EYS: variants seen among roughly 807,000 people sequenced by gnomAD.
The protein encoded by EYS is protein eyes shut homolog.
EYS carries 250 observed loss-of-function variants against 282.1 expected under a neutral mutation model. The ratio of observed to expected loss-of-function variants is 0.89; its 90% CI spans 0.80 to 0.98. The LOEUF is 0.98. EYS is among the 50% of genes least tolerant of loss of function. EYS has a pLI of 0.00. For missense variants in EYS, 4,016 were observed against 3,709.0 expected (o/e 1.08, Z -2.15); for synonymous variants, 1,355 against 1,282.9 (o/e 1.06, Z -1.20).
intron 26 of EYS, among the ~76,000 whole-genome samples, chr6:64,518,787 C>G (rs189437662): frequency 1.3e-5 from 2 of 150,996 alleles, no homozygotes; most frequent in African/African-American, 4.8e-5. Flanking sequence ...GGGGCCCCCC[C>G]CTTCTCAGGG....
intron 16 of EYS, among the ~76,000 whole-genome samples, chr6:64,904,673 A>C (rs903918336): frequency 6.6e-6 from 1 of 152,080 alleles, no homozygotes; most frequent in African/African-American, 2.4e-5. Context: ...ATTCTTAGAA[A>C]TGTTCTTTTG....
chr6:64,671,895 A>T (rs897095558), intron 22 of EYS, among the ~76,000 whole-genome samples: 1 of 152,150 alleles, frequency 6.6e-6, no homozygotes, highest in Non-Finnish European at 1.5e-5. Flanking sequence ...TGTTGATAGA[A>T]AAAAAACAAT....
At chr6:65,145,283 T>TCA (rs74630699) in intron 12 of EYS, among the ~76,000 whole-genome samples, 18,264 of 152,018 alleles carry the variant, frequency 0.12, 1,427 homozygotes, top group African/African-American at 0.22. Context: ...CAACATATAT[T>TCA]GTTACTATTT....
chr6:63,951,268 A>T (rs1256563745), intron 35 of EYS, among the ~76,000 whole-genome samples: 2 of 152,112 alleles, frequency 1.3e-5, no homozygotes, highest in Admixed American at 6.5e-5. Context: ...CTTGACCCCA[A>T]TATAAACTCG....
At chr6:64,636,732 CA>C (rs1208237758) in intron 22 of EYS, among the ~76,000 whole-genome samples, 1 of 151,738 alleles carries the variant, frequency 6.6e-6, no homozygotes, top group Non-Finnish European at 1.5e-5. Flanking sequence ...TGAACTCAAA[CA>C]AATTGACAAG....
At chr6:64,866,463 G>A (rs1392617325) in intron 19 of EYS, among the ~76,000 whole-genome samples, 1 of 151,606 alleles carries the variant, frequency 6.6e-6, no homozygotes, top group African/African-American at 2.4e-5. Context: ...TGCCAATATA[G>A]GTCACGCTTC....
At chr6:64,349,362 A>AT (rs1387219665) in intron 29 of EYS, among the ~76,000 whole-genome samples, 1 of 151,302 alleles carries the variant, frequency 6.6e-6, no homozygotes, top group African/African-American at 2.4e-5. Context: ...AGAGGTGCTA[A>AT]TTGTATCAAC....
chr6:65,328,318 A>C (rs1168433349), intron 11 of EYS, among the ~76,000 whole-genome samples: 1 of 151,460 alleles, frequency 6.6e-6, no homozygotes, highest in Non-Finnish European at 1.5e-5. Context: ...AATTTACAAA[A>C]GCACTCATCA....
rs183330256 is a variant in EYS at position 64,919,769 on chromosome 6, T to C, written c.2382-7026A>G. ...TAAAAAGACAACTGGTCAATAATCT[T>C]TTTCAGAGTTATTTAATTCAAGCTG... On this transcript the variant is annotated intron_variant, in intron 15 of 42. Coordinates refer to ENST00000503581, the MANE Select transcript of EYS (RefSeq NM_001142800.2). Among the ~76,000 whole-genome samples the C allele has an allele frequency of 3.8e-4, 58 of 152,258 alleles. 1 individual carries two copies. Among genetic ancestry groups the C allele is most frequent in the Admixed American group, 1.2e-3 (18 of 15,302 alleles).
chr6:64,918,324 G>A (rs998328467), intron 15 of EYS, among the ~76,000 whole-genome samples: 19 of 152,130 alleles, frequency 1.2e-4, no homozygotes, highest in African/African-American at 4.1e-4. Flanking sequence ...ATGAAAGTGA[G>A]GAGGTAGCCT....
chr6:64,512,826 A>G (rs1191354092), intron 26 of EYS, among the ~76,000 whole-genome samples: 2 of 152,012 alleles, frequency 1.3e-5, no homozygotes, highest in Non-Finnish European at 2.9e-5. Context: ...TTTAGTGTTC[A>G]GCATTTTCCA....
In EYS at chr6:64,486,805, T is replaced by C. The variant is rs146453386; in HGVS notation, c.5645-47453A>G. 2.0e-5 allele frequency among the ~76,000 whole-genome samples: 3 copies of C among 151,438 alleles called. No individual in the cohort carries two copies. The Admixed American group carries it at 2.0e-4, about 10-fold the overall frequency. ...TAAATCATCCAGGCTTAATGAACTTTGGAAGGCTTTTAAGAGAGATAACTA... is the reference window on the plus strand; with the variant it reads ...TAAATCATCCAGGCTTAATGAACTTCGGAAGGCTTTTAAGAGAGATAACTA... On this transcript the variant is annotated intron_variant, in intron 26 of 42. Coordinates refer to ENST00000503581, the MANE Select transcript of EYS (RefSeq NM_001142800.2).
intron 12 of EYS, among the ~76,000 whole-genome samples, chr6:65,158,148 A>G (rs1581965666): frequency 1.3e-5 from 2 of 150,928 alleles, no homozygotes; most frequent in African/African-American, 4.8e-5. Context: ...TAAAATAAGC[A>G]GTTGTCTACA....
At chr6:65,555,399 C>A (rs1008497518) in intron 2 of EYS, among the ~76,000 whole-genome samples, 1 of 152,058 alleles carries the variant, frequency 6.6e-6, no homozygotes, top group Non-Finnish European at 1.5e-5. Flanking sequence ...ATGCATATGA[C>A]TGCTTAAATG....
At chr6:64,589,943 T>C (rs921523358) in intron 26 of EYS, among the ~76,000 whole-genome samples, 1 of 152,106 alleles carries the variant, frequency 6.6e-6, no homozygotes, top group Non-Finnish European at 1.5e-5. Context: ...CTTTGAGAGA[T>C]CTGTCATAAT....
chr6:65,376,167 C>G (rs544077346), intron 8 of EYS, among the ~76,000 whole-genome samples: 1 of 152,246 alleles, frequency 6.6e-6, no homozygotes, highest in Non-Finnish European at 1.5e-5. Flanking sequence ...ATCAGATTAA[C>G]AGTGGGTCTC....
At chr6:65,616,626 A>C (rs1766207204) in intron 2 of EYS, among the ~76,000 whole-genome samples, 1 of 152,034 alleles carries the variant, frequency 6.6e-6, no homozygotes, top group Admixed American at 6.5e-5. Context: ...TGTCTACTAA[A>C]AATACAAAAA....
intron 22 of EYS, among the ~76,000 whole-genome samples, chr6:64,693,991 CATA>C (rs1268980948): frequency 6.6e-6 from 1 of 152,012 alleles, no homozygotes; most frequent in African/African-American, 2.4e-5. Flanking sequence ...TAAATGGGAA[CATA>C]ATAATTACTC....
intron 12 of EYS, among the ~76,000 whole-genome samples, chr6:65,275,449 G>A (rs1198273086): frequency 2.0e-5 from 3 of 152,148 alleles, no homozygotes; most frequent in Non-Finnish European, 2.9e-5. Flanking sequence ...AGGCCCTGAA[G>A]GCACAAGTAA....
Sources: gnomAD v4.1 joint callset for allele counts (sites outside exome capture counted in the v4.1 genomes callset) on GRCh38, gnomAD v4.1.1 for gene constraint, MANE v1.5 for transcripts, NCBI Gene and HGNC (gene_info 2026-07-23, HGNC 2026-07-21) for gene names.